USP43: variants seen among roughly 807,000 people sequenced by gnomAD.
USP43 encodes ubiquitin carboxyl-terminal hydrolase 43.
A neutral mutation model predicts 90.7 loss-of-function variants in USP43; 33 were observed. The observed-to-expected ratio is 0.36, with a 90% CI of 0.28 to 0.49. The LOEUF is 0.49. USP43 is among the 20% of genes least tolerant of loss of function. The pLI is 0.98. For missense variants in USP43, 1,274 were observed against 1,476.4 expected (o/e 0.86, Z 2.25); for synonymous variants, 598 against 615.8 (o/e 0.97, Z 0.43).
chr17:9,709,965 G>A lies in USP43; in HGVS notation c.2021G>A (p.Arg674Gln), dbSNP rs377368244. Residue 674 changes from arginine (R) to glutamine (Q), a missense_variant, in exon 13 of 15, where the codon CGG (arginine) becomes CAG (glutamine). Physicochemically the swap from Arg to Gln is conservative, Grantham distance 43 (BLOSUM62 1). This residue lies in a region of USP43 where 285 missense variants were observed against 349.6 expected (regional missense o/e 0.82). Transcript: ENST00000285199. This position sits in a 1 kb window ranked among gnomAD's most constrained non-coding sequence, Gnocchi z 5.0. The part of the protein sequence containing the change: ...LQGGHYTAYC[R>Q]NSLDGQWYSY... ...GATGGGACCTTTGCAGCCTACTGCC[G>A]GAACTCTCTGGATGGCCAGTGGTAC... The A allele has an allele frequency of 2.4e-5, 35 of 1,469,512 alleles. No individual in the cohort carries two copies. Among genetic ancestry groups the A allele is most frequent in the African/African-American group, 7.2e-5 (5 of 69,486 alleles). 91.0% of individuals were successfully genotyped at this position (1,469,512 alleles called of 1,614,324 possible). A position where few individuals can be genotyped will look rare whatever the true frequency, so the allele number is the denominator to read the frequency against.
chr17:9,683,406 G>T (rs920667406), intron 7 of USP43, among the ~76,000 whole-genome samples: 1 of 150,504 alleles, frequency 6.6e-6, no homozygotes, highest in African/African-American at 2.5e-5. Context: ...CCCAAATAAA[G>T]TGTTTAAAAG....
intron 2 of USP43, among the ~76,000 whole-genome samples, chr17:9,660,796 T>C (rs1912590164): frequency 6.6e-6 from 1 of 152,176 alleles, no homozygotes; most frequent in Non-Finnish European, 1.5e-5. Flanking sequence ...GAGAGGAGCT[T>C]ACCCCACCCT....
chr17:9,663,727 G>T (rs1255143730), intron 2 of USP43, among the ~76,000 whole-genome samples: 1 of 152,196 alleles, frequency 6.6e-6, no homozygotes, highest in East Asian at 1.9e-4. Context: ...GGGTTCAAGT[G>T]ATTCTCCTGC....
rs1427634212 is a variant in USP43, at chr17:9,728,136, C to A, written c.2518C>A (p.Arg840=). 2 of 1,613,858 alleles carry A rather than the reference C, an allele frequency of 1.2e-6. No homozygotes were observed. The highest frequency in any genetic ancestry group is 1.1e-5 in the South Asian group (1 of 91,072). The change falls in exon 15 of 15, where the codon CGA becomes AGA. Residue 840 remains arginine (R), a synonymous_variant. Coordinates refer to ENST00000285199, the MANE Select transcript of USP43 (RefSeq NM_153210.5). The surrounding 1 kb of genome is among the most constrained non-coding windows in gnomAD (Gnocchi z 6.2). ...GTTGGTGGAGTACTTGGAATCCAGA[C>A]GAAGACCTCGGTCCACGAGCCAGTC... ...VELVEYLESR[R]RPRSTSQSIV... is the part of the protein sequence containing the mutation.
At position 9,701,648 on chromosome 17, in the gene USP43, C is replaced by A; in HGVS notation, c.1959C>A (p.Asp653Glu). ...GTTACCCGCTGGACTTCCTGTACGA[C>A]CTGTATGCCGTCTGCAACCACCATG... ...PTSYPLDFLY[D>E]LYAVCNHHGN... The change falls in exon 12 of 15, where the codon GAC becomes GAA. Residue 653 changes from aspartate to glutamate, a missense_variant. Asp to Glu is a conservative substitution (Grantham distance 45). This residue lies in a region of USP43 where 285 missense variants were observed against 349.6 expected (regional missense o/e 0.82). Coordinates refer to ENST00000285199, the MANE Select transcript of USP43 (RefSeq NM_153210.5). The surrounding 1 kb of genome is among the most constrained non-coding windows in gnomAD (Gnocchi z 7.2). The A allele has an allele frequency of 6.3e-7, 1 of 1,590,302 alleles. No individual in the cohort carries two copies. The highest frequency in any genetic ancestry group is 8.6e-7 in the Non-Finnish European group (1 of 1,169,028).
chr17:9,651,835 T>C (rs1412546985), intron 1 of USP43, among the ~76,000 whole-genome samples: 2 of 152,044 alleles, frequency 1.3e-5, no homozygotes, highest in Admixed American at 1.3e-4. Context: ...GAGTAAAAAA[T>C]ATTAGAAAGA....
chr17:9,711,694 G>A (rs1916204879), intron 13 of USP43, among the ~76,000 whole-genome samples: 1 of 152,322 alleles, frequency 6.6e-6, no homozygotes, highest in African/African-American at 2.4e-5. Flanking sequence ...GCCTCCGTAA[G>A]TGCTGGCATT....
In USP43 at chr17:9,680,216, T is replaced by C. The variant is rs1914073885; in HGVS notation, c.970-15T>C. The C allele has an allele frequency of 5.6e-6, 9 of 1,609,804 alleles. No individual in the cohort carries two copies. The highest frequency in any genetic ancestry group is 7.6e-6 in the Non-Finnish European group (9 of 1,177,382). On this transcript the variant is annotated splice_polypyrimidine_tract_variant and intron_variant, in intron 5 of 14. Coordinates refer to ENST00000285199, the MANE Select transcript of USP43 (RefSeq NM_153210.5). Reference sequence around the variant, plus strand: ...TTTCAGAAATCAAGAGGGAAAATGATCTTTCTCATTTCAGGTGATCTTGGT... The same window carrying C: ...TTTCAGAAATCAAGAGGGAAAATGACCTTTCTCATTTCAGGTGATCTTGGT...
chr17:9,719,812 A>G (rs996270976), intron 14 of USP43, among the ~76,000 whole-genome samples: 1 of 152,202 alleles, frequency 6.6e-6, no homozygotes, highest in African/African-American at 2.4e-5. Flanking sequence ...CATGCCTGTA[A>G]TCCCAGCACT....
In USP43 at chr17:9,645,570, T is replaced by A. The variant is rs1418198579; in HGVS notation, c.-63T>A. The A allele has an allele frequency of 2.5e-5, 29 of 1,165,136 alleles. No individual in the cohort carries two copies. Among genetic ancestry groups the A allele is most frequent in the Non-Finnish European group, 3.1e-5 (29 of 945,614 alleles). The allele number at this position is 1,165,136 out of a possible 1,614,324, so 72.2% of individuals were successfully genotyped here. A position where few individuals can be genotyped will look rare whatever the true frequency, so the allele number is the denominator to read the frequency against. On this transcript the variant is annotated 5_prime_UTR_variant, in exon 1 of 15. Transcript: ENST00000285199. The surrounding 1 kb of genome is among the most constrained non-coding windows in gnomAD (Gnocchi z 6.8). ...GGAGCCTTAGAGAAGCTGTAGGGCC[T>A]GCTGGCCGCTCGTCCGCCTCGCGCC...
At chr17:9,678,396 C>T (rs1358303295) in intron 5 of USP43, among the ~76,000 whole-genome samples, 2 of 152,172 alleles carry the variant, frequency 1.3e-5, no homozygotes, top group African/African-American at 2.4e-5. Flanking sequence ...CTCCCTCTGT[C>T]GCCAGGCTGG....
intron 7 of USP43, among the ~76,000 whole-genome samples, chr17:9,683,201 T>C (rs1320143788): frequency 6.6e-6 from 1 of 152,192 alleles, no homozygotes; most frequent in East Asian, 1.9e-4. Flanking sequence ...TTTTACTGCC[T>C]TCACCACTGT....
intron 2 of USP43, among the ~76,000 whole-genome samples, chr17:9,661,108 C>T (rs770294959): frequency 4.6e-5 from 7 of 152,086 alleles, no homozygotes; most frequent in African/African-American, 9.7e-5. Context: ...CCATAAGGGC[C>T]GCTTTCTTTT....
intron 1 of USP43, among the ~76,000 whole-genome samples, chr17:9,651,154 C>T (rs1911832058): frequency 6.6e-6 from 1 of 151,884 alleles, no homozygotes; most frequent in African/African-American, 2.4e-5. Flanking sequence ...CAAGTCTCCT[C>T]TTGGAATCAG....
intron 14 of USP43, among the ~76,000 whole-genome samples, chr17:9,714,654 G>GC (rs1347711080): frequency 7.0e-6 from 1 of 143,688 alleles, no homozygotes; most frequent in Non-Finnish European, 1.5e-5. Context: ...CTGCACTCCA[G>GC]CCTGGGCAAC....
chr17:9,683,053 A>G (rs1914397486), intron 7 of USP43, 95 bp downstream of exon 7: 3 of 1,466,160 alleles, frequency 2.0e-6, no homozygotes, highest in Non-Finnish European at 2.8e-6. Flanking sequence ...ATTTATTCCC[A>G]AGGTTAATAA....
intron 2 of USP43, among the ~76,000 whole-genome samples, chr17:9,662,297 G>C (rs561223825): frequency 1.3e-5 from 2 of 152,096 alleles, no homozygotes; most frequent in African/African-American, 2.4e-5. Context: ...GTCAAAATAG[G>C]CTAGGGTCCG....
intron 1 of USP43, among the ~76,000 whole-genome samples, chr17:9,653,406 G>A (rs1395609088): frequency 6.6e-6 from 1 of 152,098 alleles, no homozygotes; most frequent in Admixed American, 6.6e-5. Flanking sequence ...TGGCCAACAT[G>A]GCGAAACCCC....
intron 5 of USP43, among the ~76,000 whole-genome samples, chr17:9,677,209 A>G (rs1482559536): frequency 6.6e-6 from 1 of 152,178 alleles, no homozygotes; most frequent in East Asian, 1.9e-4. Flanking sequence ...GCCTGATTTA[A>G]TCACAGGCGT....
Sources: gnomAD v4.1 joint callset for allele counts (sites outside exome capture counted in the v4.1 genomes callset) on GRCh38, gnomAD v4.1.1 for gene constraint, gnomAD v4.1.1 regional missense constraint, Gnocchi (gnomAD v3.1) non-coding constraint, MANE v1.5 for transcripts, NCBI Gene and HGNC (gene_info 2026-07-23, HGNC 2026-07-21) for gene names.